ZNF469: variants seen among roughly 807,000 people sequenced by gnomAD.
The protein encoded by ZNF469 is zinc finger protein 469.
A neutral mutation model predicts 1.0 loss-of-function variants in ZNF469; 1 was observed. The observed-to-expected ratio is 1.00, with a 90% CI of 0.35 to 4.73. ZNF469 has a LOEUF of 4.73. ZNF469 is among the 30% of genes most tolerant of loss of function. ZNF469 has a pLI of 0.16. For missense variants in ZNF469, 6,100 were observed against 5,356.3 expected (o/e 1.14, Z -4.33); for synonymous variants, 2,703 against 2,363.4 (o/e 1.14, Z -4.17).
the ZNF469 span, among the ~76,000 whole-genome samples, chr16:88,340,591 A>G: frequency 1.1e-4 from 16 of 152,280 alleles, 2 homozygotes; most frequent in Admixed American, 1.0e-3. Context: ...TCTCCCAGGG[A>G]GGGTGCTGCC....
the ZNF469 span, among the ~76,000 whole-genome samples, chr16:88,174,909 C>T: frequency 1.1e-4 from 17 of 151,464 alleles, no homozygotes; most frequent in African/African-American, 3.9e-4. Context: ...AACATTGGCG[C>T]CACAACCTCT....
In ZNF469 at chr16:88,432,296, G is replaced by A. The variant is rs748403721; in HGVS notation, c.4826G>A (p.Arg1609Gln). 5.1e-5 allele frequency: 79 copies of A among 1,547,032 alleles called. No homozygotes were observed. The highest frequency in any genetic ancestry group is 6.2e-5 in the Non-Finnish European group (71 of 1,146,974). The part of the protein sequence containing the change: ...LGTGTEPPSQ[R>Q]RTCQATVPHE... Reference sequence around the variant, plus strand: ...ACAGGCACAGAGCCACCCTCCCAACGGCGCACCTGCCAGGCCACCGTGCCC... The same window carrying A: ...ACAGGCACAGAGCCACCCTCCCAACAGCGCACCTGCCAGGCCACCGTGCCC... Residue 1609 changes from arginine (R) to glutamine (Q), a missense_variant, in exon 3 of 3, where the codon CGG (arginine) becomes CAG (glutamine). Arg to Gln is a conservative substitution (Grantham distance 43). Coordinates refer to ENST00000565624, the MANE Select transcript of ZNF469 (RefSeq NM_001367624.2).
At chr16:88,254,265 C>G in the ZNF469 span, among the ~76,000 whole-genome samples, 40 of 152,300 alleles carry the variant, frequency 2.6e-4, no homozygotes, top group African/African-American at 9.4e-4. Context: ...ATTAAAAAGT[C>G]TTCCCTTTTC....
chr16:88,296,025 G>A, the ZNF469 span, among the ~76,000 whole-genome samples: 1 of 152,184 alleles, frequency 6.6e-6, no homozygotes, highest in Non-Finnish European at 1.5e-5. Flanking sequence ...GTCCCCCCTC[G>A]GGCTCTCGGC....
intron 1 of ZNF469, among the ~76,000 whole-genome samples, chr16:88,411,497 CAGGGGTG>C: frequency 1.4e-5 from 2 of 148,002 alleles, no homozygotes; most frequent in African/African-American, 5.0e-5. Flanking sequence ...TGCGAGCGGG[CAGGGGTG>C]CAAGCAGGCA....
rs1906792544 is a variant in ZNF469 at position 88,438,815 on chromosome 16, C to G, written c.11345C>G (p.Ala3782Gly). The change falls in exon 3 of 3, where the codon GCT becomes GGT. Residue 3782 changes from alanine (A) to glycine (G), a missense_variant. Physicochemically the swap from Ala to Gly is moderately conservative, Grantham distance 60 (BLOSUM62 0). Coordinates refer to ENST00000565624, the MANE Select transcript of ZNF469 (RefSeq NM_001367624.2). ...SRSPAPERLP[A>G]RAQAKSCTKG... ...AGCCCTGCACCAGAGAGGCTCCCCG[C>G]TCGAGCCCAAGCCAAGAGCTGCACC... The G allele has an allele frequency of 6.5e-7, 1 of 1,550,316 alleles. No homozygotes were observed. The highest frequency in any genetic ancestry group is 8.7e-7 in the Non-Finnish European group (1 of 1,146,958).
At chr16:88,208,404 T>C in the ZNF469 span, among the ~76,000 whole-genome samples, 1 of 149,558 alleles carries the variant, frequency 6.7e-6, no homozygotes, top group Non-Finnish European at 1.5e-5. Flanking sequence ...AGTGCGCTCA[T>C]TACTACTGGG....
At chr16:88,403,002 C>T (rs971341307) in intron 1 of ZNF469, among the ~76,000 whole-genome samples, 6 of 152,338 alleles carry the variant, frequency 3.9e-5, no homozygotes, top group Non-Finnish European at 7.3e-5. Flanking sequence ...TGGCAACACC[C>T]GCCGTGCATA....
the ZNF469 span, among the ~76,000 whole-genome samples, chr16:88,286,826 T>C: frequency 1.3e-5 from 2 of 152,206 alleles, no homozygotes; most frequent in African/African-American, 4.8e-5. Flanking sequence ...CTGTGTCTTA[T>C]AATACTGCAT....
At chr16:88,277,830 A>T in the ZNF469 span, among the ~76,000 whole-genome samples, 7 of 23,878 alleles carry the variant, frequency 2.9e-4, no homozygotes, top group Non-Finnish European at 1.1e-4. Flanking sequence ...GGTCAGTACC[A>T]TGTAGATATC....
the ZNF469 span, among the ~76,000 whole-genome samples, chr16:88,157,972 C>T: frequency 5.9e-5 from 9 of 152,038 alleles, no homozygotes; most frequent in African/African-American, 1.4e-4. Flanking sequence ...GGATGCCACA[C>T]GAGGCTCTGA....
the ZNF469 span, among the ~76,000 whole-genome samples, chr16:88,186,124 G>A: frequency 6.6e-6 from 1 of 152,220 alleles, no homozygotes; most frequent in Non-Finnish European, 1.5e-5. Flanking sequence ...GCTGTTTGTG[G>A]TCCGTCTTCC....
At chr16:88,426,775 G>A (rs955558803) in intron 2 of ZNF469, among the ~76,000 whole-genome samples, 4 of 152,132 alleles carry the variant, frequency 2.6e-5, no homozygotes, top group African/African-American at 7.2e-5. Flanking sequence ...CCTGGCTGAC[G>A]GCAGGGGAGT....
chr16:88,336,789 G>A, the ZNF469 span, among the ~76,000 whole-genome samples: 9 of 152,104 alleles, frequency 5.9e-5, no homozygotes, highest in Non-Finnish European at 1.3e-4. Context: ...AAAGTTATGC[G>A]ACCATCACCA....
the ZNF469 span, among the ~76,000 whole-genome samples, chr16:88,321,201 C>A: frequency 1.3e-5 from 2 of 152,260 alleles, no homozygotes; most frequent in Non-Finnish European, 2.9e-5. Flanking sequence ...GTGCCCCCCA[C>A]CTTGGGTTTC....
chr16:88,332,974 C>G, the ZNF469 span, among the ~76,000 whole-genome samples: 1 of 152,222 alleles, frequency 6.6e-6, no homozygotes, highest in East Asian at 1.9e-4. Context: ...CCAGGAGCCA[C>G]GTCCCTGCCC....
chr16:88,321,638 G>C, the ZNF469 span, among the ~76,000 whole-genome samples: 121 of 151,908 alleles, frequency 8.0e-4, no homozygotes, highest in African/African-American at 2.9e-3. Context: ...GACCTCATCT[G>C]ATTGGATGTG....
chr16:88,285,815 C>G, the ZNF469 span, among the ~76,000 whole-genome samples: 108,027 of 152,208 alleles, frequency 0.71, 38,760 homozygotes, highest in East Asian at 0.94. Context: ...AGGCCACCCT[C>G]GTCACAGTGC....
the ZNF469 span, among the ~76,000 whole-genome samples, chr16:88,236,456 A>G: frequency 5.3e-5 from 8 of 152,244 alleles, no homozygotes; most frequent in African/African-American, 1.9e-4. Context: ...GGAGGCGGGT[A>G]TAAAGAGACG....
Sources: allele counts gnomAD v4.1 joint callset (sites outside exome capture counted in the v4.1 genomes callset), GRCh38; gene constraint gnomAD v4.1.1; transcripts MANE v1.5; gene names NCBI Gene and HGNC (gene_info 2026-07-23, HGNC 2026-07-21).